Variants in PAPSS1 observed in about 807,000 individuals in gnomAD.
PAPSS1 encodes the protein bifunctional 3'-phosphoadenosine 5'-phosphosulfate synthase 1.
Under a neutral mutation model 72.0 loss-of-function variants are expected in PAPSS1, and 50 were observed. That is an observed-to-expected ratio of 0.69 (90% CI 0.55 to 0.88). PAPSS1 has a LOEUF of 0.88. Ranked by LOEUF, PAPSS1 falls within the 40% of genes least tolerant of loss-of-function variation. The probability of loss-of-function intolerance (pLI) is 0.00; values close to 1 mark genes in which losing one functional copy is unlikely to be tolerated. For synonymous variants in PAPSS1, 261 were observed against 263.6 expected (o/e 0.99, Z 0.09); for missense variants, 657 against 782.2 (o/e 0.84, Z 1.91).
At chr4:107,652,404 C>G (rs954911474) in intron 9 of PAPSS1, among the ~76,000 whole-genome samples, 3 of 152,156 alleles carry the variant, frequency 2.0e-5, no homozygotes, top group Non-Finnish European at 4.4e-5. Flanking sequence ...ATCATTTACC[C>G]ACCTCTGTGT....
At chr4:107,616,987 C>T (rs1207457394) in intron 11 of PAPSS1, among the ~76,000 whole-genome samples, 2 of 152,126 alleles carry the variant, frequency 1.3e-5, no homozygotes, top group African/African-American at 4.8e-5. Context: ...CACCTCCACA[C>T]TAGTCAGCTT....
chr4:107,665,449 T>C (rs1453979285), intron 5 of PAPSS1, among the ~76,000 whole-genome samples: 1 of 152,196 alleles, frequency 6.6e-6, no homozygotes, highest in Admixed American at 6.5e-5. Flanking sequence ...GTGCTCTTCT[T>C]CAATTTGTAC....
chr4:107,622,035 C>T (rs1018844809), intron 11 of PAPSS1, among the ~76,000 whole-genome samples: 1 of 152,130 alleles, frequency 6.6e-6, no homozygotes, highest in African/African-American at 2.4e-5. Context: ...TCTACATATG[C>T]ATTAGGGAAA....
chr4:107,636,953 T>C (rs1179320013), intron 10 of PAPSS1, among the ~76,000 whole-genome samples: 1 of 152,218 alleles, frequency 6.6e-6, no homozygotes, highest in Non-Finnish European at 1.5e-5. Context: ...AAGAATTAGT[T>C]AAGTTTACTA....
intron 8 of PAPSS1, 60 bp from the exon 9 acceptor site, chr4:107,653,686 C>G: frequency 2.1e-6 from 3 of 1,447,062 alleles, no homozygotes; most frequent in East Asian, 2.3e-5. Flanking sequence ...AAAAACATTT[C>G]TCTCATATAA....
intron 5 of PAPSS1, among the ~76,000 whole-genome samples, chr4:107,662,111 T>C (rs1030834782): frequency 6.6e-5 from 10 of 152,098 alleles, no homozygotes; most frequent in Admixed American, 2.0e-4. Context: ...GAAAACGTAA[T>C]ATTAAAAATC....
intron 11 of PAPSS1, among the ~76,000 whole-genome samples, chr4:107,629,482 T>A (rs1413343317): frequency 1.3e-5 from 2 of 152,202 alleles, no homozygotes; most frequent in Non-Finnish European, 2.9e-5. Context: ...ACTGTAAAAT[T>A]AAAGTTGAGC....
chr4:107,664,087 T>TC, intron 5 of PAPSS1, among the ~76,000 whole-genome samples: 1 of 152,078 alleles, frequency 6.6e-6, no homozygotes, highest in South Asian at 2.1e-4. Flanking sequence ...TGTGAATAAA[T>TC]CATGAGCCTC....
chr4:107,687,167 T>C lies in PAPSS1; in HGVS notation c.422A>G (p.Asn141Ser). ...FISPYTQDRN[N>S]ARQIHEGASL... The stretch of plus-strand genomic sequence containing the variant: ...TGCACCTTCATGAATTTGCCTTGCA[T>C]TGTTGCGATCCTTAAAAAAAAATAA... The change falls in exon 4 of 12, where the codon AAT becomes AGT. Residue 141 changes from asparagine (N) to serine (S), a missense_variant. Transcript: ENST00000265174. 1.3e-6 allele frequency: 2 copies of C among 1,575,232 alleles called. No individual in the cohort carries two copies. The highest frequency in any genetic ancestry group is 1.7e-6 in the Non-Finnish European group (2 of 1,167,844).
At chr4:107,664,404 C>T (rs1727263709) in intron 5 of PAPSS1, among the ~76,000 whole-genome samples, 1 of 152,252 alleles carries the variant, frequency 6.6e-6, no homozygotes, top group Admixed American at 6.5e-5. Flanking sequence ...GCATGTTTAG[C>T]TGGTTTCCTA....
intron 5 of PAPSS1, among the ~76,000 whole-genome samples, chr4:107,661,690 T>G (rs954219125): frequency 6.6e-6 from 1 of 152,030 alleles, no homozygotes; most frequent in Non-Finnish European, 1.5e-5. Context: ...CAACAAAAAA[T>G]GTAATTCAAG....
intron 8 of PAPSS1, among the ~76,000 whole-genome samples, chr4:107,654,317 C>T (rs1316986125): frequency 6.6e-6 from 1 of 152,166 alleles, no homozygotes; most frequent in East Asian, 1.9e-4. Context: ...GCTTTCACAT[C>T]AAACCACCCT....
intron 6 of PAPSS1, among the ~76,000 whole-genome samples, 185 bp downstream of exon 6, chr4:107,659,774 T>C (rs1033634556): frequency 6.6e-6 from 1 of 152,148 alleles, no homozygotes; most frequent in African/African-American, 2.4e-5. Flanking sequence ...CCATGGTAAC[T>C]TGGGAACATG....
At position 107,673,804 on chromosome 4, in the gene PAPSS1, C is replaced by T. The variant is rs1440208325; in HGVS notation, c.669+8211G>A. ...GTTAAGGGCAGCCAGAGAGAAAGGT[C>T]GGGTTACCCAAAAAGGGAAGCCCAT... is the stretch of plus-strand genomic sequence containing the variant. On this transcript the variant is annotated intron_variant, in intron 5 of 11. Coordinates refer to ENST00000265174, the MANE Select transcript of PAPSS1 (RefSeq NM_005443.5). Among the ~76,000 whole-genome samples, 6 of 152,220 alleles carry T rather than the reference C, an allele frequency of 3.9e-5. No individual in the cohort carries two copies. The East Asian group carries it at 1.2e-3, about 29-fold the overall frequency.
chr4:107,654,625 A>C, intron 8 of PAPSS1, 70 bp downstream of exon 8: 8 of 1,249,938 alleles, frequency 6.4e-6, no homozygotes, highest in Non-Finnish European at 9.4e-6. Flanking sequence ...CAATACACAG[A>C]AAATGCCCAC....
At position 107,615,950 on chromosome 4, in the gene PAPSS1, G is replaced by A. The variant is rs559144017; in HGVS notation, c.1737-1563C>T. Among the ~76,000 whole-genome samples the A allele has an allele frequency of 4.6e-5, 7 of 152,256 alleles. No individual in the cohort carries two copies. In the South Asian group the frequency reaches 1.5e-3, roughly 32 times the overall value. Reference sequence around the variant, plus strand: ...TCCTCACCAGACACCGCATCTGCTGGCACCTTGATCTTGGACTTCCCAACC... The same window carrying A: ...TCCTCACCAGACACCGCATCTGCTGACACCTTGATCTTGGACTTCCCAACC... On this transcript the variant is annotated intron_variant, in intron 11 of 11. Coordinates refer to ENST00000265174, the MANE Select transcript of PAPSS1 (RefSeq NM_005443.5).
Position 107,656,954 on chromosome 4 carries a change from A to G in PAPSS1, c.837T>C (p.Asn279=). The part of the protein sequence containing the change: ...VLAEGWATPL[N]GFMREREYLQ... ...AGTACTCCCTCTCTCTCATAAAGCCATTCAATGGGGTTGCCCAACCTTCTG... is the reference window on the plus strand; with the variant it reads ...AGTACTCCCTCTCTCTCATAAAGCCGTTCAATGGGGTTGCCCAACCTTCTG... Residue 279 remains asparagine, a synonymous_variant, in exon 7 of 12, where the codon AAT becomes AAC. Coordinates refer to ENST00000265174, the MANE Select transcript of PAPSS1 (RefSeq NM_005443.5). The G allele has an allele frequency of 6.2e-7, 1 of 1,614,058 alleles. No homozygotes were observed. Among genetic ancestry groups the G allele is most frequent in the Non-Finnish European group, 8.5e-7 (1 of 1,179,926 alleles).
At chr4:107,689,470 G>C (rs1054399061) in intron 3 of PAPSS1, among the ~76,000 whole-genome samples, 2 of 152,128 alleles carry the variant, frequency 1.3e-5, no homozygotes, top group Admixed American at 1.3e-4. Context: ...AGGCTGATGA[G>C]GCCCCTTGCT....
At chr4:107,621,339 CTATT>C (rs1376121434) in intron 11 of PAPSS1, among the ~76,000 whole-genome samples, 1 of 152,164 alleles carries the variant, frequency 6.6e-6, no homozygotes, top group Non-Finnish European at 1.5e-5. Context: ...ACACAAAACT[CTATT>C]ATATTATAAA....
Sources: allele counts gnomAD v4.1 joint callset (sites outside exome capture counted in the v4.1 genomes callset), GRCh38; gene constraint gnomAD v4.1.1; transcripts MANE v1.5; gene names NCBI Gene and HGNC (gene_info 2026-07-23, HGNC 2026-07-21).